Variants in CR1L observed in about 807,000 individuals in gnomAD.
CR1L encodes the protein complement component receptor 1-like protein.
In CR1L, 59 loss-of-function variants were observed where a neutral mutation model predicts 62.3. The observed-to-expected ratio is 0.95, with a 90% CI of 0.77 to 1.18. CR1L has a LOEUF of 1.18. Ranked by LOEUF, CR1L falls within the 50% of genes most tolerant of loss-of-function variation. The probability of loss-of-function intolerance (pLI) is 0.00; values close to 1 mark genes in which losing one functional copy is unlikely to be tolerated. For missense variants in CR1L, 700 were observed against 702.8 expected, an observed-to-expected ratio of 1.00 and a Z score of 0.04; for synonymous variants, 279 against 248.7, an observed-to-expected ratio of 1.12 and a Z score of -1.15.
rs114904843 is a variant in CR1L, at chr1:207,695,467, G to A, written c.862+716G>A. On this transcript the variant is annotated intron_variant, in intron 5 of 11. Transcript: ENST00000508064. ...AGAGAAAATGTGCCTTAGAGAAATC[G>A]GATAACTTTCTAAGATATTAACTTG... Among the ~76,000 whole-genome samples the A allele has an allele frequency of 4.8e-3, 724 of 152,172 alleles. 7 individuals are homozygous for A. Among genetic ancestry groups the A allele is most frequent in the African/African-American group, 0.017 (709 of 41,518 alleles).
At chr1:207,684,310 G>A (rs1010888033) in intron 4 of CR1L, among the ~76,000 whole-genome samples, 7 of 152,032 alleles carry the variant, frequency 4.6e-5, no homozygotes, top group Non-Finnish European at 8.8e-5. Context: ...CAAGGTTAGC[G>A]AAGCTGTGGA....
At chr1:207,706,608 G>T (rs1664271904) in intron 9 of CR1L, among the ~76,000 whole-genome samples, 1 of 151,932 alleles carries the variant, frequency 6.6e-6, no homozygotes, top group Non-Finnish European at 1.5e-5. Flanking sequence ...ACCCGCAAAA[G>T]AAATAAATTT....
In CR1L at chr1:207,694,433, G is replaced by C. The variant is rs1664039811; in HGVS notation, c.544G>C (p.Val182Leu). The C allele has an allele frequency of 4.3e-6, 7 of 1,614,014 alleles. No individual in the cohort carries two copies. In the South Asian group the frequency reaches 7.7e-5, roughly 18 times the overall value. The change falls in exon 5 of 12, where the codon GTG becomes CTG. Residue 182 changes from valine to leucine, a missense_variant. Val to Leu is a conservative substitution (Grantham distance 32). Transcript: ENST00000508064. ...ISREYFHYGS[V>L]VTYHCNLGSR... ...CAGAGAGTATTTTCACTATGGATCA[G>C]TGGTGACCTACCACTGCAATCTTGG...
chr1:207,697,556 G>A lies in CR1L; in HGVS notation c.916G>A (p.Asp306Asn). 2.5e-6 allele frequency: 4 copies of A among 1,613,806 alleles called. No homozygotes were observed. The highest frequency in any genetic ancestry group is 3.4e-6 in the Non-Finnish European group (4 of 1,179,742). ...TGCTGAGCGTACCCAAAGGGACAAG[G>A]ACAACTTTTCACCCGGGCAGGAAGT... The part of the protein sequence containing the change: ...LHAERTQRDK[D>N]NFSPGQEVFY... Residue 306 changes from aspartate (D) to asparagine (N), a missense_variant, in exon 6 of 12, where the codon GAC (aspartate) becomes AAC (asparagine). By Grantham distance (23) the Asp-to-Asn change is conservative (BLOSUM62 1). Coordinates refer to ENST00000508064, the MANE Select transcript of CR1L (RefSeq NM_175710.2).
intron 10 of CR1L, among the ~76,000 whole-genome samples, chr1:207,710,098 A>G (rs1571534257): frequency 1.3e-5 from 2 of 152,098 alleles, no homozygotes; most frequent in South Asian, 2.1e-4. Flanking sequence ...TAATCTCAGC[A>G]TTTGGAAGGC....
chr1:207,699,901 A>G (rs188901680), intron 8 of CR1L, among the ~76,000 whole-genome samples: 1 of 152,310 alleles, frequency 6.6e-6, no homozygotes, highest in East Asian at 1.9e-4. Context: ...CGGATAATAG[A>G]TCAAAGCAAT....
chr1:207,718,681 C>A (rs898383678), intron 11 of CR1L, among the ~76,000 whole-genome samples: 2 of 152,174 alleles, frequency 1.3e-5, no homozygotes, highest in African/African-American at 4.8e-5. Context: ...CCTCGACTTT[C>A]CAAAGGTGTG....
At chr1:207,720,398 AG>A (rs1159000349) in intron 11 of CR1L, among the ~76,000 whole-genome samples, 2 of 152,220 alleles carry the variant, frequency 1.3e-5, no homozygotes, top group African/African-American at 4.8e-5. Flanking sequence ...TACCAGTCCT[AG>A]GCCTTCCTAA....
intron 1 of CR1L, among the ~76,000 whole-genome samples, chr1:207,673,682 A>G (rs1346911822): frequency 6.6e-6 from 1 of 152,262 alleles, no homozygotes; most frequent in Non-Finnish European, 1.5e-5. Context: ...TTGGCAATAA[A>G]GTGGAGAAGC....
At chr1:207,688,053 G>A (rs920870722) in intron 4 of CR1L, among the ~76,000 whole-genome samples, 1 of 152,078 alleles carries the variant, frequency 6.6e-6, no homozygotes, top group African/African-American at 2.4e-5. Flanking sequence ...CAGGAGGATT[G>A]CTTGAAGCCA....
In CR1L at chr1:207,700,468, T is replaced by C. The variant is rs2102472142; in HGVS notation, c.1229-1051T>C. 2.0e-5 allele frequency among the ~76,000 whole-genome samples: 3 copies of C among 152,288 alleles called. No individual in the cohort carries two copies. The Middle Eastern group carries it at 0.01, about 518-fold the overall frequency. ...CCAATTAGAAATGAGGAAGAGACTA[T>C]TATAAACAAATCAGTAGATGCTAGA... On this transcript the variant is annotated intron_variant, in intron 8 of 11. Coordinates refer to ENST00000508064, the MANE Select transcript of CR1L (RefSeq NM_175710.2).
intron 10 of CR1L, chr1:207,710,624 G>A: frequency 6.2e-7 from 1 of 1,610,026 alleles, no homozygotes; most frequent in Non-Finnish European, 8.5e-7. Context: ...TCCAAATGTG[G>A]AAAATGGAAT....
At chr1:207,709,976 G>T (rs1362019601) in intron 10 of CR1L, among the ~76,000 whole-genome samples, 1 of 152,176 alleles carries the variant, frequency 6.6e-6, no homozygotes, top group African/African-American at 2.4e-5. Flanking sequence ...AGATGAGAAT[G>T]ATATTGTGAA....
chr1:207,707,632 A>C (rs34626131), intron 9 of CR1L, among the ~76,000 whole-genome samples: 27,651 of 151,320 alleles, frequency 0.18, 3,197 homozygotes, highest in Non-Finnish European at 0.27. Flanking sequence ...CGTCTAAAAA[A>C]ACAAACAAAC....
chr1:207,700,534 A>T (rs1571528305), intron 8 of CR1L, among the ~76,000 whole-genome samples: 2 of 152,372 alleles, frequency 1.3e-5, no homozygotes, highest in East Asian at 1.9e-4. Flanking sequence ...AAGTAAAAAA[A>T]GAAAATAAAT....
chr1:207,675,993 G>A (rs1034060498), intron 1 of CR1L, among the ~76,000 whole-genome samples: 8 of 152,202 alleles, frequency 5.3e-5, no homozygotes, highest in Admixed American at 5.2e-4. Context: ...GAGGGCCAAA[G>A]AGGAGATGTG....
At chr1:207,706,038 T>TATATATATATATAC (rs1664262229) in intron 9 of CR1L, among the ~76,000 whole-genome samples, 1 of 145,436 alleles carries the variant, frequency 6.9e-6, no homozygotes, top group Non-Finnish European at 1.5e-5. Context: ...TATATATATA[T>TATATATATATATAC]ATATATAAAA....
At chr1:207,665,297 A>G (rs1251673762) in intron 1 of CR1L, among the ~76,000 whole-genome samples, 8 of 152,132 alleles carry the variant, frequency 5.3e-5, no homozygotes, top group Non-Finnish European at 1.0e-4. Flanking sequence ...CTTGTGATCC[A>G]TCTGCCTTGG....
intron 1 of CR1L, among the ~76,000 whole-genome samples, chr1:207,646,994 T>C (rs1400546394): frequency 6.7e-6 from 1 of 149,810 alleles, no homozygotes; most frequent in African/African-American, 2.5e-5. Flanking sequence ...CAATTCCTAT[T>C]TTCTTTATCC....
Sources: allele counts gnomAD v4.1 joint callset (sites outside exome capture counted in the v4.1 genomes callset), GRCh38; gene constraint gnomAD v4.1.1; transcripts MANE v1.5; gene names NCBI Gene and HGNC (gene_info 2026-07-23, HGNC 2026-07-21).